Variants in UBP1 observed in about 807,000 individuals in gnomAD.
UBP1 encodes upstream binding protein 1.
In UBP1, 22 loss-of-function variants were observed where a neutral mutation model predicts 76.1. The observed-to-expected ratio is 0.29, with a 90% confidence interval of 0.21 to 0.41. The LOEUF is 0.41. Among genes scored for constraint, UBP1 ranks in the 10% least tolerant of loss-of-function variants. The pLI is 1.00. For missense variants in UBP1, 436 were observed against 668.1 expected (o/e 0.65, Z 3.83); for synonymous variants, 224 against 237.1 (o/e 0.94, Z 0.51).
intron 4 of UBP1, among the ~76,000 whole-genome samples, chr3:33,412,247 T>C (rs765918223): frequency 1.5e-4 from 23 of 149,382 alleles, no homozygotes; most frequent in Non-Finnish European, 3.1e-4. Flanking sequence ...AATCATAAAA[T>C]TCCAGGTTCA....
chr3:33,438,417 T>C (rs1461565559), intron 1 of UBP1, among the ~76,000 whole-genome samples: 1 of 151,924 alleles, frequency 6.6e-6, no homozygotes, highest in Non-Finnish European at 1.5e-5. Context: ...ACTAGAGGAG[T>C]GCGTTTTCAC....
chr3:33,390,387 C>T lies in UBP1; in HGVS notation c.1586-19G>A, dbSNP rs748665509. The T allele has an allele frequency of 7.1e-5, 112 of 1,567,902 alleles. 1 individual carries two copies. The East Asian group carries it at 2.5e-3, about 35-fold the overall frequency. ...CTTTCAGCTGCAGAAAAAGGAAAGA[C>T]AGTATTTCTTCAGTCAGGCTTAGGA... On this transcript the variant is annotated intron_variant, in intron 15 of 15. Coordinates refer to ENST00000283629, the MANE Select transcript of UBP1 (RefSeq NM_014517.5).
At chr3:33,439,593 C>T in intron 1 of UBP1, 143 bp downstream of exon 1, 1 of 878,878 alleles carries the variant, frequency 1.1e-6, no homozygotes. Context: ...CCATGGCCCC[C>T]GACCGCCACG....
At position 33,408,917 on chromosome 3, in the gene UBP1, T is replaced by TA. The variant is rs933076865; in HGVS notation, c.820-121dup. ...ATGCATGACTAACAGGATTCAAAGT[T>TA]AAAAAAAATGCAAAACCCCAGCAGT... On this transcript the variant is annotated intron_variant, in intron 7 of 15. Transcript: ENST00000283629. 1.1e-4 allele frequency: 116 copies of TA among 1,023,434 alleles called. 1 individual carries two copies. In the Admixed American group the frequency reaches 1.7e-3, roughly 15 times the overall value. 63.4% of individuals were successfully genotyped at this position (1,023,434 alleles called of 1,614,324 possible).
At chr3:33,437,678 C>T (rs1017855316) in intron 1 of UBP1, among the ~76,000 whole-genome samples, 27 of 152,208 alleles carry the variant, frequency 1.8e-4, no homozygotes, top group Admixed American at 8.5e-4. Context: ...AGCTTTCCTT[C>T]CCACTGGATG....
chr3:33,393,374 G>A lies in UBP1; in HGVS notation c.1471C>T (p.His491Tyr), dbSNP rs769663322. Reference protein sequence around the residue: ...KLALVFNIPLHQINQVYRQGP... With the variant: ...KLALVFNIPLYQINQVYRQGP... ...TGTCTGTAAACCTGATTAATTTGGT[G>A]GAGAGGGATATTAAACACCAGCGCA... The change falls in exon 14 of 16, where the codon CAC becomes TAC. Residue 491 changes from histidine (H) to tyrosine (Y), a missense_variant. This residue lies in a region of UBP1 where 210 missense variants were observed against 272.8 expected (regional missense o/e 0.77). Coordinates refer to ENST00000283629, the MANE Select transcript of UBP1 (RefSeq NM_014517.5). 5 of 1,613,274 alleles carry A rather than the reference G, an allele frequency of 3.1e-6. No individual in the cohort carries two copies. The South Asian group carries it at 3.3e-5, about 11-fold the overall frequency.
intron 13 of UBP1, among the ~76,000 whole-genome samples, chr3:33,394,816 TG>T (rs1283032012): frequency 4.2e-5 from 5 of 119,362 alleles, no homozygotes; most frequent in South Asian, 5.3e-4. Flanking sequence ...GCCCTCCACT[TG>T]TTTTTTTTTT....
chr3:33,437,390 T>G (rs1279050837), intron 1 of UBP1, among the ~76,000 whole-genome samples: 2 of 152,202 alleles, frequency 1.3e-5, no homozygotes, highest in Admixed American at 6.5e-5. Flanking sequence ...TAGCTAGGTC[T>G]ACAAGCATAC....
intron 14 of UBP1, 38 bp downstream of exon 14, chr3:33,393,274 T>C (rs751212194): frequency 3.9e-5 from 62 of 1,569,972 alleles, no homozygotes; most frequent in Admixed American, 1.2e-4. Context: ...TAAAAGTAAA[T>C]ACCAGTCTGA....
chr3:33,393,429 T>A lies in UBP1; in HGVS notation c.1416A>T (p.Glu472Asp). The change falls in exon 14 of 16, where the codon GAA becomes GAT. Residue 472 changes from glutamate (E) to aspartate (D), a missense_variant. This residue lies in a region of UBP1 where 210 missense variants were observed against 272.8 expected (regional missense o/e 0.77). Transcript: ENST00000283629. ...TTCGAGCAACTTCTGAGGCAATCATTTCTTCCAAGTAGATTGCATGATAAA... is the reference window on the plus strand; with the variant it reads ...TTCGAGCAACTTCTGAGGCAATCATATCTTCCAAGTAGATTGCATGATAAA... ...PYVYHAIYLEEMIASEVARKL... is the reference protein window; with the variant it reads ...PYVYHAIYLEDMIASEVARKL... 3 of 1,609,774 alleles carry A rather than the reference T, an allele frequency of 1.9e-6. No homozygotes were observed. The South Asian group carries it at 3.4e-5, about 18-fold the overall frequency.
At chr3:33,438,447 A>G (rs970103437) in intron 1 of UBP1, among the ~76,000 whole-genome samples, 11 of 152,298 alleles carry the variant, frequency 7.2e-5, no homozygotes, top group African/African-American at 2.4e-4. Flanking sequence ...ACTGCCTCTA[A>G]TACTCCCCTC....
In UBP1 at chr3:33,425,672, G is replaced by C; in HGVS notation, c.183C>G (p.His61Gln). Residue 61 changes from histidine to glutamine, a missense_variant, in exon 2 of 16, where the codon CAC becomes CAG. His to Gln is a conservative substitution (Grantham distance 24, BLOSUM62 0). Around this residue, in one of 3 missense-constraint regions of UBP1, gnomAD observed 161 missense variants for 237.9 expected, o/e 0.68. Coordinates refer to ENST00000283629, the MANE Select transcript of UBP1 (RefSeq NM_014517.5). ...SSLPLDGETE[H>Q]PPFQYVMCAA... is the part of the protein sequence containing the mutation. ...CACACATCACATACTGAAAGGGTGG[G>C]TGCTCTGTTTCACCATCCAATGGAA... The C allele has an allele frequency of 6.2e-7, 1 of 1,603,268 alleles. No individual in the cohort carries two copies. The highest frequency in any genetic ancestry group is 8.5e-7 in the Non-Finnish European group (1 of 1,171,748).
intron 4 of UBP1, 42 bp from the exon 5 acceptor site, chr3:33,411,729 A>AT: frequency 6.6e-7 from 1 of 1,517,254 alleles, no homozygotes. Flanking sequence ...TCCACTTTAA[A>AT]TAACTTAAAA....
At chr3:33,436,288 T>G (rs909031752) in intron 1 of UBP1, among the ~76,000 whole-genome samples, 3 of 152,264 alleles carry the variant, frequency 2.0e-5, no homozygotes, top group Non-Finnish European at 4.4e-5. Flanking sequence ...TTTGCATTTT[T>G]CAAGAATACA....
chr3:33,425,996 A>AATAAATATATATATATAT (rs1404753322), intron 1 of UBP1, among the ~76,000 whole-genome samples: 5 of 55,136 alleles, frequency 9.1e-5, no homozygotes, highest in African/African-American at 3.4e-4. Context: ...GGCAGCTCTG[A>AATAAATATATATATATAT]ATATATATAT....
intron 2 of UBP1, among the ~76,000 whole-genome samples, chr3:33,421,421 C>A (rs537180863): frequency 1.4e-4 from 22 of 152,234 alleles, no homozygotes; most frequent in South Asian, 6.2e-4. Context: ...TACAGGCGTG[C>A]GCCACCATGC....
intron 8 of UBP1, among the ~76,000 whole-genome samples, chr3:33,404,273 G>A (rs1374917612): frequency 3.3e-5 from 5 of 152,046 alleles, no homozygotes; most frequent in African/African-American, 9.7e-5. Flanking sequence ...TTAGCTGGGC[G>A]TAGTGGCGTG....
chr3:33,408,929 A>C, intron 7 of UBP1, 132 bp from the exon 8 acceptor site: 1 of 962,296 alleles, frequency 1.0e-6, no homozygotes, highest in Non-Finnish European at 1.6e-6. Flanking sequence ...AAAAAAATGC[A>C]AAACCCCAGC....
intron 11 of UBP1, chr3:33,397,586 A>C (rs2044054514): frequency 6.6e-6 from 1 of 152,530 alleles, no homozygotes; most frequent in Non-Finnish European, 1.5e-5. Context: ...AAAGTCTGTA[A>C]GAGTTGGTAG....
Sources: gnomAD v4.1 joint callset for allele counts (sites outside exome capture counted in the v4.1 genomes callset) on GRCh38, gnomAD v4.1.1 for gene constraint, gnomAD v4.1.1 regional missense constraint, MANE v1.5 for transcripts, NCBI Gene and HGNC (gene_info 2026-07-23, HGNC 2026-07-21) for gene names.